Variants in CHD9 observed in about 807,000 individuals in gnomAD.
CHD9 encodes chromodomain helicase DNA binding protein 9.
CHD9 carries 77 observed loss-of-function variants against 316.1 expected under a neutral mutation model. The ratio of observed to expected loss-of-function variants is 0.24; its 90% CI spans 0.20 to 0.29. The LOEUF is 0.29. CHD9 is among the 10% of genes least tolerant of loss of function. The probability of loss-of-function intolerance (pLI) is 1.00; values close to 1 mark genes in which losing one functional copy is unlikely to be tolerated. For missense variants in CHD9, 2,763 were observed against 3,438.1 expected, an observed-to-expected ratio of 0.80 and a Z score of 4.91; for synonymous variants, 1,129 against 1,158.3, an observed-to-expected ratio of 0.97 and a Z score of 0.51.
chr16:53,248,006 G>A (rs2049781122), intron 16 of CHD9: 1 of 152,606 alleles, frequency 6.6e-6, no homozygotes, highest in South Asian at 2.1e-4. Context: ...TTGTTTATTG[G>A]TACATCACAA....
intron 3 of CHD9, among the ~76,000 whole-genome samples, chr16:53,211,569 T>A (rs2152876669): frequency 6.6e-6 from 1 of 152,262 alleles, no homozygotes; most frequent in South Asian, 2.1e-4. Context: ...ATTGAGTAGT[T>A]GCTAGAAAAG....
At chr16:53,290,013 C>T (rs2054197804) in intron 27 of CHD9, among the ~76,000 whole-genome samples, 1 of 152,168 alleles carries the variant, frequency 6.6e-6, no homozygotes, top group African/African-American at 2.4e-5. Flanking sequence ...GTGGCTCATG[C>T]CTGTAATCCC....
At chr16:53,265,249 A>G (rs1304373854) in intron 20 of CHD9, among the ~76,000 whole-genome samples, 1 of 152,090 alleles carries the variant, frequency 6.6e-6, no homozygotes, top group Non-Finnish European at 1.5e-5. Flanking sequence ...AAAAAAATTT[A>G]AAATTAGCTA....
At chr16:53,264,797 T>C (rs2051491563) in intron 20 of CHD9, among the ~76,000 whole-genome samples, 1 of 151,948 alleles carries the variant, frequency 6.6e-6, no homozygotes, top group African/African-American at 2.4e-5. Context: ...GCAGAGGGAA[T>C]GGCAATGAGA....
intron 1 of CHD9, among the ~76,000 whole-genome samples, chr16:53,127,288 T>C (rs1330128619): frequency 6.6e-6 from 1 of 152,176 alleles, no homozygotes; most frequent in Admixed American, 6.5e-5. Context: ...TTGTATAAGT[T>C]TTCTCCAGAA....
chr16:53,119,564 G>A (rs759423470), intron 1 of CHD9, among the ~76,000 whole-genome samples: 11 of 152,188 alleles, frequency 7.2e-5, no homozygotes, highest in Non-Finnish European at 1.3e-4. Context: ...TGGGCATGGT[G>A]GCTCACACCT....
chr16:53,283,866 C>A (rs1226919901), intron 24 of CHD9, among the ~76,000 whole-genome samples: 2 of 152,092 alleles, frequency 1.3e-5, no homozygotes, highest in African/African-American at 4.8e-5. Flanking sequence ...ACAGAAAGAT[C>A]TCTTCATCCA....
At chr16:53,149,444 T>G (rs897758557) in intron 1 of CHD9, among the ~76,000 whole-genome samples, 1 of 152,148 alleles carries the variant, frequency 6.6e-6, no homozygotes, top group Non-Finnish European at 1.5e-5. Context: ...CTTCATAAAT[T>G]TTGTGGGTCT....
At chr16:53,082,131 A>C (rs538680951) in intron 1 of CHD9, among the ~76,000 whole-genome samples, 1 of 152,254 alleles carries the variant, frequency 6.6e-6, no homozygotes, top group South Asian at 2.1e-4. Flanking sequence ...AGGAAGGACT[A>C]TTTTCCAGTG....
At chr16:53,147,381 T>C (rs921137464) in intron 1 of CHD9, among the ~76,000 whole-genome samples, 6 of 152,248 alleles carry the variant, frequency 3.9e-5, no homozygotes, top group Non-Finnish European at 5.9e-5. Context: ...CAAAATGTGC[T>C]ACTTTAACTG....
chr16:53,154,424 C>T (rs537720622), intron 1 of CHD9, among the ~76,000 whole-genome samples: 2 of 152,130 alleles, frequency 1.3e-5, no homozygotes, highest in African/African-American at 4.8e-5. Context: ...TTTGTTGATT[C>T]TTTAGTTTTT....
At position 53,157,313 on chromosome 16, in the gene CHD9, C is replaced by T. The variant is rs1378173930; in HGVS notation, c.1224C>T (p.Asp408=). The change falls in exon 2 of 39, where the codon GAC becomes GAT. Residue 408 remains aspartate, a synonymous_variant. Coordinates refer to ENST00000447540, the MANE Select transcript of CHD9 (RefSeq NM_001308319.2). Reference sequence around the variant, plus strand: ...CATTCACAGGACTTGACCCCGAGGACCTCCTTCAGGAGGGTCTTCTTCCTC... The same window carrying T: ...CATTCACAGGACTTGACCCCGAGGATCTCCTTCAGGAGGGTCTTCTTCCTC... The part of the protein sequence containing the change: ...TEPFTGLDPE[D]LLQEGLLPHF... 1 of 1,613,184 alleles carries T rather than the reference C, an allele frequency of 6.2e-7. No homozygotes were observed. Among genetic ancestry groups the T allele is most frequent in the Non-Finnish European group, 8.5e-7 (1 of 1,179,568 alleles).
At position 53,306,296 on chromosome 16, in the gene CHD9, C is replaced by A. The variant is rs756501749; in HGVS notation, c.6679C>A (p.Gln2227Lys). The change falls in exon 32 of 39, where the codon CAG (glutamine) becomes AAG (lysine). Residue 2227 changes from glutamine (Q) to lysine (K), a missense_variant. Around this residue, in one of 15 missense-constraint regions of CHD9, gnomAD observed 663 missense variants for 751.2 expected, o/e 0.88. Coordinates refer to ENST00000447540, the MANE Select transcript of CHD9 (RefSeq NM_001308319.2). Reference protein sequence around the residue: ...EESVASLSTTQDETQDSFQMN... With the variant: ...EESVASLSTTKDETQDSFQMN... Reference sequence around the variant, plus strand: ...AAGCGTCGCGTCACTGAGCACTACCCAGGATGAGACTCAGGATAGTTTTCA... The same window carrying A: ...AAGCGTCGCGTCACTGAGCACTACCAAGGATGAGACTCAGGATAGTTTTCA... 1.2e-6 allele frequency: 2 copies of A among 1,610,096 alleles called. No individual in the cohort carries two copies. The highest frequency in any genetic ancestry group is 2.2e-5 in the South Asian group (2 of 90,562).
intron 1 of CHD9, among the ~76,000 whole-genome samples, chr16:53,150,830 G>A (rs1275599202): frequency 6.6e-6 from 1 of 152,152 alleles, no homozygotes; most frequent in Admixed American, 6.5e-5. Flanking sequence ...TTTCTGATGA[G>A]AAATCCACTT....
intron 1 of CHD9, chr16:53,121,239 GAATTCACTTTTTAAATAAC>G: frequency 2.4e-6 from 1 of 412,472 alleles, no homozygotes; most frequent in Non-Finnish European, 4.8e-6. Flanking sequence ...CTTGCTGAGT[GAATTCACTTTTTAAATAAC>G]AGCCACATTT....
chr16:53,174,701 T>C (rs577477888), intron 2 of CHD9, among the ~76,000 whole-genome samples: 1 of 152,312 alleles, frequency 6.6e-6, no homozygotes, highest in East Asian at 1.9e-4. Context: ...TTCAATGTCC[T>C]GGGCTCAAGC....
intron 1 of CHD9, chr16:53,130,811 C>G (rs1351300353): frequency 6.6e-6 from 1 of 151,808 alleles, no homozygotes; most frequent in Non-Finnish European, 1.5e-5. Context: ...GCTGGAGCCG[C>G]GGCAGGAGCG....
At chr16:53,109,886 A>G (rs2037719936) in intron 1 of CHD9, among the ~76,000 whole-genome samples, 1 of 149,106 alleles carries the variant, frequency 6.7e-6, no homozygotes, top group African/African-American at 2.5e-5. Context: ...GGGTTTCACC[A>G]TTTTAGCCAG....
intron 2 of CHD9, among the ~76,000 whole-genome samples, chr16:53,184,918 G>C (rs1050330714): frequency 1.3e-5 from 2 of 152,096 alleles, no homozygotes; most frequent in Admixed American, 1.3e-4. Context: ...GCCACCATGT[G>C]AAGAAGGACA....
Sources: gnomAD v4.1 joint callset for allele counts (sites outside exome capture counted in the v4.1 genomes callset) on GRCh38, gnomAD v4.1.1 for gene constraint, gnomAD v4.1.1 regional missense constraint, MANE v1.5 for transcripts, NCBI Gene and HGNC (gene_info 2026-07-23, HGNC 2026-07-21) for gene names.